NR3C1: variants seen among roughly 807,000 people sequenced by gnomAD.
NR3C1 encodes the protein glucocorticoid receptor.
A neutral mutation model predicts 74.0 loss-of-function variants in NR3C1; 14 were observed. The observed-to-expected ratio is 0.19, with a 90% CI of 0.12 to 0.30. The LOEUF is 0.30. Ranked by LOEUF, NR3C1 falls within the 10% of genes least tolerant of loss-of-function variation. NR3C1 has a pLI of 1.00. For missense variants in NR3C1, 695 were observed against 909.8 expected, an observed-to-expected ratio of 0.76 and a Z score of 3.04; for synonymous variants, 308 against 332.5, an observed-to-expected ratio of 0.93 and a Z score of 0.80.
intron 4 of NR3C1, among the ~76,000 whole-genome samples, chr5:143,309,398 T>C (rs1026193379): frequency 3.3e-5 from 5 of 152,090 alleles, no homozygotes; most frequent in Admixed American, 2.0e-4. Flanking sequence ...GGTCATGGAG[T>C]TGAACGTTTC....
chr5:143,418,851 G>A (rs2151958477), intron 1 of NR3C1, among the ~76,000 whole-genome samples: 1 of 152,318 alleles, frequency 6.6e-6, no homozygotes, highest in South Asian at 2.1e-4. Context: ...GACACTCCAA[G>A]TTGTGTGACC....
chr5:143,347,601 T>G (rs939746717), intron 2 of NR3C1, among the ~76,000 whole-genome samples: 1 of 152,208 alleles, frequency 6.6e-6, no homozygotes, highest in African/African-American at 2.4e-5. Flanking sequence ...CTAACTTAAG[T>G]GTTAATTTTT....
chr5:143,283,396 A>G (rs1314758604), intron 7 of NR3C1, among the ~76,000 whole-genome samples: 1 of 152,210 alleles, frequency 6.6e-6, no homozygotes, highest in Non-Finnish European at 1.5e-5. Flanking sequence ...TCTCCTCCTT[A>G]GCTCACAAAG....
intron 2 of NR3C1, among the ~76,000 whole-genome samples, chr5:143,347,696 T>A (rs1409383535): frequency 6.6e-6 from 1 of 152,224 alleles, no homozygotes; most frequent in Non-Finnish European, 1.5e-5. Context: ...GAAATTTAGA[T>A]CAAACACCAA....
chr5:143,343,139 C>T (rs1340735489), intron 2 of NR3C1, among the ~76,000 whole-genome samples: 1 of 152,180 alleles, frequency 6.6e-6, no homozygotes, highest in Non-Finnish European at 1.5e-5. Context: ...GTGACAAGCA[C>T]AATGGTCATA....
intron 6 of NR3C1, among the ~76,000 whole-genome samples, chr5:143,297,190 A>C (rs1167833760): frequency 2.0e-5 from 3 of 152,132 alleles, no homozygotes; most frequent in Non-Finnish European, 4.4e-5. Flanking sequence ...AATGAAACTA[A>C]TGTAAATCTG....
At chr5:143,411,927 A>G (rs1323811819) in intron 1 of NR3C1, among the ~76,000 whole-genome samples, 1 of 152,020 alleles carries the variant, frequency 6.6e-6, no homozygotes, top group Non-Finnish European at 1.5e-5. Context: ...CGAAGTTTGT[A>G]TTGGTTGCAA....
At chr5:143,317,795 T>C (rs1369745765) in intron 2 of NR3C1, among the ~76,000 whole-genome samples, 1 of 152,168 alleles carries the variant, frequency 6.6e-6, no homozygotes, top group Non-Finnish European at 1.5e-5. Context: ...AGGCAGACGT[T>C]TCCTGGCACC....
At chr5:143,305,366 C>T (rs1303684199) in intron 4 of NR3C1, among the ~76,000 whole-genome samples, 2 of 151,948 alleles carry the variant, frequency 1.3e-5, no homozygotes, top group African/African-American at 2.4e-5. Flanking sequence ...AGTTTAACTA[C>T]CATTCAACCT....
intron 4 of NR3C1, among the ~76,000 whole-genome samples, chr5:143,306,785 C>A (rs750680327): frequency 2.0e-5 from 3 of 150,676 alleles, no homozygotes; most frequent in Non-Finnish European, 4.4e-5. Context: ...TCTACACTAA[C>A]TGGATACGTT....
chr5:143,432,993 A>G (rs1346325286), intron 1 of NR3C1, among the ~76,000 whole-genome samples: 1 of 152,196 alleles, frequency 6.6e-6, no homozygotes, highest in East Asian at 1.9e-4. Context: ...AAAAGGACAA[A>G]TGACTGACAG....
chr5:143,284,544 GTA>G (rs1173598836), intron 7 of NR3C1, among the ~76,000 whole-genome samples: 1 of 151,238 alleles, frequency 6.6e-6, no homozygotes, highest in Non-Finnish European at 1.5e-5. Context: ...TTTCCCTGCC[GTA>G]TAGTTTTTTT....
At chr5:143,361,630 A>G (rs1405505905) in intron 2 of NR3C1, among the ~76,000 whole-genome samples, 1 of 152,216 alleles carries the variant, frequency 6.6e-6, no homozygotes, top group African/African-American at 2.4e-5. Flanking sequence ...ATAGATAAAG[A>G]TCGCTCTACT....
chr5:143,402,802 G>A, intron 1 of NR3C1: 1 of 985,452 alleles, frequency 1.0e-6, no homozygotes. Flanking sequence ...AAATATTCGG[G>A]CGAGTAAAAT....
intron 4 of NR3C1, among the ~76,000 whole-genome samples, chr5:143,305,212 G>A (rs1254791026): frequency 6.6e-6 from 1 of 152,108 alleles, no homozygotes; most frequent in East Asian, 1.9e-4. Context: ...CAAAGGACAT[G>A]AACAGACACT....
At chr5:143,404,384 C>CG (rs5871845), upstream of NR3C1, 58,677 of 985,276 alleles carry the variant, frequency 0.06, 2,059 homozygotes, top group East Asian at 0.23. Flanking sequence ...ACTTTGGGCC[C>CG]GGGGGGAGTC....
intron 3 of NR3C1, 58 bp from the exon 4 acceptor site, chr5:143,310,271 G>T: frequency 8.3e-7 from 1 of 1,200,120 alleles, no homozygotes; most frequent in Non-Finnish European, 1.2e-6. Context: ...TATTTTATAA[G>T]GACAGCCTCT....
At chr5:143,296,458 C>T (rs1405437039) in intron 6 of NR3C1, among the ~76,000 whole-genome samples, 2 of 152,130 alleles carry the variant, frequency 1.3e-5, no homozygotes, top group South Asian at 4.1e-4. Context: ...ACCGAAGAGG[C>T]ACCTCCCTAG....
chr5:143,361,080 C>T (rs747910145), intron 2 of NR3C1, among the ~76,000 whole-genome samples: 1 of 152,196 alleles, frequency 6.6e-6, no homozygotes, highest in Non-Finnish European at 1.5e-5. Flanking sequence ...AGAGAGTCTA[C>T]TGGGTATTTA....
Sources: allele counts gnomAD v4.1 joint callset (sites outside exome capture counted in the v4.1 genomes callset), GRCh38; gene constraint gnomAD v4.1.1; transcripts MANE v1.5; gene names NCBI Gene and HGNC (gene_info 2026-07-23, HGNC 2026-07-21).